PAPPA2: variants seen among roughly 807,000 people sequenced by gnomAD.
PAPPA2 encodes the protein pappalysin-2.
A neutral mutation model predicts 176.4 loss-of-function variants in PAPPA2; 86 were observed. The ratio of observed to expected loss-of-function variants is 0.49; its 90% CI spans 0.41 to 0.58. The LOEUF is 0.58. PAPPA2 is among the 20% of genes least tolerant of loss of function. The probability of loss-of-function intolerance (pLI) is 0.00; values close to 1 mark genes in which losing one functional copy is unlikely to be tolerated. For synonymous variants in PAPPA2, 809 were observed against 852.2 expected (o/e 0.95, Z 0.88); for missense variants, 2,073 against 2,256.9 (o/e 0.92, Z 1.65).
intron 8 of PAPPA2, among the ~76,000 whole-genome samples, chr1:176,701,804 C>T (rs536277919): frequency 1.3e-5 from 2 of 152,274 alleles, no homozygotes; most frequent in South Asian, 2.1e-4. Context: ...CCAATTAGGG[C>T]AGGCACTGGG....
chr1:176,746,459 T>G (rs1018992853), intron 14 of PAPPA2, among the ~76,000 whole-genome samples: 3 of 152,132 alleles, frequency 2.0e-5, no homozygotes, highest in Non-Finnish European at 2.9e-5. Flanking sequence ...CAGGCTGGAG[T>G]GCAGTGGCTC....
At chr1:176,707,511 C>A (rs1035222194) in intron 10 of PAPPA2, among the ~76,000 whole-genome samples, 1 of 152,192 alleles carries the variant, frequency 6.6e-6, no homozygotes, top group Non-Finnish European at 1.5e-5. Context: ...TACAGCTTCT[C>A]TGTCTTACAG....
At chr1:176,833,822 G>GTA (rs1210656645) in intron 21 of PAPPA2, among the ~76,000 whole-genome samples, 2 of 150,910 alleles carry the variant, frequency 1.3e-5, no homozygotes, top group South Asian at 2.1e-4. Context: ...ATATATATGT[G>GTA]TATATATATG....
chr1:176,556,640 T>C lies in PAPPA2; in HGVS notation c.318T>C (p.Leu106=). 1 of 1,614,124 alleles carries C rather than the reference T, an allele frequency of 6.2e-7. No individual in the cohort carries two copies. Among genetic ancestry groups the C allele is most frequent in the South Asian group, 1.1e-5 (1 of 91,086 alleles). ...KPDTEGNAVS[L]VPPDLTENPA... ...ACACTGAAGGAAATGCTGTGAGCCT[T>C]GTTCCCCCAGACCTGACTGAAAATC... is the stretch of plus-strand genomic sequence containing the variant. The change falls in exon 2 of 23, where the codon CTT becomes CTC. Residue 106 remains leucine (L), a synonymous_variant. Transcript: ENST00000367662.
chr1:176,634,974 G>A (rs866315005), intron 3 of PAPPA2, among the ~76,000 whole-genome samples: 2 of 133,272 alleles, frequency 1.5e-5, no homozygotes, highest in African/African-American at 6.6e-5. Context: ...TAAATAGATA[G>A]ATAGATAGAT....
intron 17 of PAPPA2, among the ~76,000 whole-genome samples, chr1:176,777,596 CATT>C (rs1299679178): frequency 1.3e-5 from 2 of 152,054 alleles, no homozygotes; most frequent in Non-Finnish European, 2.9e-5. Context: ...CAGGCTCTGG[CATT>C]ATTGAGATCT....
At chr1:176,793,783 C>A in intron 20 of PAPPA2, 114 bp downstream of exon 20, 2 of 690,080 alleles carry the variant, frequency 2.9e-6, no homozygotes, top group East Asian at 3.0e-5. Context: ...AAGCAAACAA[C>A]CACATGGATT....
chr1:176,631,241 C>T (rs1656323730), intron 3 of PAPPA2, among the ~76,000 whole-genome samples: 1 of 152,120 alleles, frequency 6.6e-6, no homozygotes, highest in African/African-American at 2.4e-5. Context: ...ATACATGCTA[C>T]AACATGGATG....
intron 21 of PAPPA2, among the ~76,000 whole-genome samples, chr1:176,827,530 T>G (rs1475566031): frequency 1.3e-5 from 2 of 152,178 alleles, no homozygotes; most frequent in African/African-American, 4.8e-5. Context: ...CCATAAAGCC[T>G]TTCTAAAATG....
At chr1:176,552,454 C>T (rs1448224438) in intron 1 of PAPPA2, among the ~76,000 whole-genome samples, 1 of 150,260 alleles carries the variant, frequency 6.7e-6, no homozygotes, top group Non-Finnish European at 1.5e-5. Flanking sequence ...CCTTTCCCAT[C>T]TCCTCATCCC....
chr1:176,680,456 T>C (rs1275309091), intron 4 of PAPPA2, among the ~76,000 whole-genome samples: 2 of 152,222 alleles, frequency 1.3e-5, no homozygotes, highest in Non-Finnish European at 1.5e-5. Flanking sequence ...TCTTTTGTGA[T>C]CACGTTTTGT....
chr1:176,615,601 A>G (rs1330819415), intron 3 of PAPPA2, among the ~76,000 whole-genome samples: 1 of 152,172 alleles, frequency 6.6e-6, no homozygotes, highest in Non-Finnish European at 1.5e-5. Context: ...TGTTGGGATT[A>G]CAGGCGTCAG....
Position 176,791,358 on chromosome 1 carries a change from CTGCACTAAAGAGGGCCTG to C in PAPPA2, c.4899_4916del (p.Cys1633_Leu1638del). Reference sequence around the variant, plus strand: ...TTTTGATATTCTAGCTTCCCATCCTCTGCACTAAAGAGGGCCTGTGGACCCAGGAGTTTAAGTTGTGTG... The same window carrying C: ...TTTTGATATTCTAGCTTCCCATCCTCTGGACCCAGGAGTTTAAGTTGTGTG... On this transcript the variant is annotated inframe_deletion, in exon 19 of 23. Transcript: ENST00000367662. 1 of 1,609,846 alleles carries C rather than the reference CTGCACTAAAGAGGGCCTG, an allele frequency of 6.2e-7. No individual in the cohort carries two copies. Among genetic ancestry groups the C allele is most frequent in the South Asian group, 1.1e-5 (1 of 90,866 alleles).
intron 5 of PAPPA2, 128 bp from the exon 6 acceptor site, chr1:176,691,997 CA>C (rs1201431326): frequency 3.3e-5 from 28 of 845,902 alleles, no homozygotes; most frequent in Non-Finnish European, 1.3e-5. Context: ...TTCATTCATT[CA>C]ACAAGTAAGT....
intron 2 of PAPPA2, among the ~76,000 whole-genome samples, chr1:176,589,732 A>C (rs2048067): frequency 3.3e-5 from 5 of 152,204 alleles, no homozygotes; most frequent in African/African-American, 9.7e-5. Flanking sequence ...AACAGTTATA[A>C]CATGTTTGTT....
chr1:176,823,381 A>G lies in PAPPA2; in HGVS notation c.5203-16792A>G, dbSNP rs552884499. Among the ~76,000 whole-genome samples the G allele has an allele frequency of 2.0e-5, 3 of 152,344 alleles. No individual in the cohort carries two copies. In the East Asian group the frequency reaches 5.8e-4, roughly 29 times the overall value. On this transcript the variant is annotated intron_variant, in intron 21 of 22. Transcript: ENST00000367662. The stretch of plus-strand genomic sequence containing the variant: ...GAAGTATGGAATGACTCAAGGTTAA[A>G]GAGGTAAATAAAAGGTAGATCATTA...
rs1448576678 is a variant in PAPPA2 at position 176,843,609 on chromosome 1, G to T, written c.*1155G>T. ...CTTCTTGTTAGAAGTCTCCAAGTCT[G>T]GCCAGTCACATGACCAAGTGTTGAT... On this transcript the variant is annotated 3_prime_UTR_variant, in exon 23 of 23. Coordinates refer to ENST00000367662, the MANE Select transcript of PAPPA2 (RefSeq NM_020318.3). 2 of 152,066 alleles carry T rather than the reference G, an allele frequency of 1.3e-5. No individual in the cohort carries two copies. The highest frequency in any genetic ancestry group is 3.9e-4 in the East Asian group (2 of 5,180). 9.4% of individuals were successfully genotyped at this position (152,066 alleles called of 1,614,324 possible).
rs555189846 is a variant in PAPPA2, at chr1:176,628,515, A to C, written c.1991+32920A>C. Among the ~76,000 whole-genome samples the C allele has an allele frequency of 2.9e-3, 445 of 152,300 alleles. 3 individuals carry two copies. The highest frequency in any genetic ancestry group is 7.8e-3 in the African/African-American group (323 of 41,554). On this transcript the variant is annotated intron_variant, in intron 3 of 22. Transcript: ENST00000367662. Reference sequence around the variant, plus strand: ...CAATTGATAAATAGAAAATGATGTGAAAAATATAATAAAATAGAAAACAAA... The same window carrying C: ...CAATTGATAAATAGAAAATGATGTGCAAAATATAATAAAATAGAAAACAAA...
chr1:176,787,437 T>C (rs1316055231), intron 17 of PAPPA2, among the ~76,000 whole-genome samples: 2 of 152,046 alleles, frequency 1.3e-5, no homozygotes, highest in Non-Finnish European at 2.9e-5. Context: ...GGTTTTGCCA[T>C]GTTGCCCAGG....
Sources: allele counts gnomAD v4.1 joint callset (sites outside exome capture counted in the v4.1 genomes callset), GRCh38; gene constraint gnomAD v4.1.1; transcripts MANE v1.5; gene names NCBI Gene and HGNC (gene_info 2026-07-23, HGNC 2026-07-21).